SLC28A1: variants seen among roughly 807,000 people sequenced by gnomAD.
SLC28A1 encodes solute carrier family 28 member 1, also known as sodium/nucleoside cotransporter 1.
SLC28A1 carries 64 observed loss-of-function variants against 74.8 expected under a neutral mutation model. That is an observed-to-expected ratio of 0.86 (90% CI 0.70 to 1.05). The LOEUF (loss-of-function observed/expected upper bound fraction) is 1.05, where lower values mean the gene tolerates loss of function less well. SLC28A1 is among the 50% of genes least tolerant of loss of function. SLC28A1 has a pLI of 0.00. For synonymous variants in SLC28A1, 359 were observed against 335.0 expected, an observed-to-expected ratio of 1.07 and a Z score of -0.78; for missense variants, 828 against 822.8, an observed-to-expected ratio of 1.01 and a Z score of -0.08.
At chr15:84,958,290 C>T in the SLC28A1 span, among the ~76,000 whole-genome samples, 3 of 152,192 alleles carry the variant, frequency 2.0e-5, no homozygotes, top group Non-Finnish European at 4.4e-5. Flanking sequence ...TGGTTCTCTT[C>T]AGGCCTGCTG....
chr15:84,930,037 C>A (rs1171001764), intron 12 of SLC28A1, among the ~76,000 whole-genome samples: 1 of 152,210 alleles, frequency 6.6e-6, no homozygotes, highest in Non-Finnish European at 1.5e-5. Context: ...CTGTGCAGGA[C>A]TCAGCCCTTT....
chr15:84,951,739 C>T, the SLC28A1 span, among the ~76,000 whole-genome samples: 1 of 152,110 alleles, frequency 6.6e-6, no homozygotes, highest in Non-Finnish European at 1.5e-5. Flanking sequence ...CTGGTACATT[C>T]ACCTGGAGTC....
rs1400676180 is a variant in SLC28A1 at position 84,905,664 on chromosome 15, G to C, written c.717+12G>C. 6 of 1,578,694 alleles carry C rather than the reference G, an allele frequency of 3.8e-6. No individual in the cohort carries two copies. The highest frequency in any genetic ancestry group is 1.7e-4 in the Middle Eastern group (1 of 6,014). On this transcript the variant is annotated intron_variant, in intron 8 of 18. Coordinates refer to ENST00000394573, the MANE Select transcript of SLC28A1 (RefSeq NM_004213.5). ...GCGAGCAGATCCGGGTAGGTATGTG[G>C]GGTCTGGCTGCCCAGAGCATCTTAG...
chr15:84,922,477 T>C (rs973808264), intron 11 of SLC28A1, among the ~76,000 whole-genome samples: 2 of 152,112 alleles, frequency 1.3e-5, no homozygotes, highest in African/African-American at 4.8e-5. Flanking sequence ...GCATCCAATC[T>C]ATCAGCATTC....
In SLC28A1 at chr15:84,945,202, G is replaced by A; in HGVS notation, c.*2G>A. 6.2e-7 allele frequency: 1 copy of A among 1,613,560 alleles called. No homozygotes were observed. Among genetic ancestry groups the A allele is most frequent in the Non-Finnish European group, 8.5e-7 (1 of 1,179,470 alleles). On this transcript the variant is annotated 3_prime_UTR_variant, in exon 19 of 19. Transcript: ENST00000394573. ...AACCACACGATCTGTGCACAGTGAG[G>A]ACAGAACATGCTTGTGCTTCTGCGC...
At chr15:84,916,240 C>CAGGTGTGAGCCACCATTCCTGGCCTTTTT (rs1555449976) in intron 9 of SLC28A1, among the ~76,000 whole-genome samples, 1 of 98,424 alleles carries the variant, frequency 1.0e-5, no homozygotes, top group African/African-American at 4.9e-5. Flanking sequence ...GCTGGGATTA[C>CAGGTGTGAGCCACCATTCCTGGCCTTTTT]TTTTTTTTTT....
At chr15:84,904,036 G>T in intron 6 of SLC28A1, 61 bp from the exon 7 acceptor site, 2 of 1,611,766 alleles carry the variant, frequency 1.2e-6, no homozygotes, top group South Asian at 1.1e-5. Context: ...GGGTGCTATT[G>T]TGTGTGGGTG....
chr15:84,930,763 A>G (rs1596333533), intron 12 of SLC28A1, among the ~76,000 whole-genome samples: 1 of 148,920 alleles, frequency 6.7e-6, no homozygotes, highest in Non-Finnish European at 1.5e-5. Flanking sequence ...CCACCACCAC[A>G]CCAGGCTAAT....
chr15:84,943,539 A>G lies in SLC28A1; in HGVS notation c.1663+13A>G, dbSNP rs773360039. 1 of 1,601,882 alleles carries G rather than the reference A, an allele frequency of 6.2e-7. No homozygotes were observed. Among genetic ancestry groups the G allele is most frequent in the African/African-American group, 1.3e-5 (1 of 74,796 alleles). ...CTGGGAGGCTTGAGTGAGTCTAATC[A>G]GGGCCTCACCAGTGTCTAGGAGAGT... On this transcript the variant is annotated intron_variant, in intron 16 of 18. Transcript: ENST00000394573.
At chr15:84,891,149 T>G (rs1000488512) in intron 5 of SLC28A1, among the ~76,000 whole-genome samples, 7 of 151,874 alleles carry the variant, frequency 4.6e-5, no homozygotes, top group African/African-American at 1.5e-4. Context: ...CAGGGAAGCG[T>G]CAAGGTGGAA....
the SLC28A1 span, among the ~76,000 whole-genome samples, chr15:84,962,504 C>G: frequency 2.0e-5 from 3 of 152,100 alleles, no homozygotes; most frequent in East Asian, 3.9e-4. Context: ...GTGACATGAT[C>G]AGGGCTCACT....
At position 84,906,570 on chromosome 15, in the gene SLC28A1, CTTT is replaced by C. The variant is rs1567140652; in HGVS notation, c.717+919_717+921del. ...TTTCTTTCTTTCTTTCTTTCTCTTT[CTTT>C]CTTCCTTCCTTCCTTCCTTCCTTCC... On this transcript the variant is annotated intron_variant, in intron 8 of 18. Transcript: ENST00000394573. Among the ~76,000 whole-genome samples the C allele has an allele frequency of 1.4e-3, 51 of 37,742 alleles. 1 individual carries two copies. The highest frequency in any genetic ancestry group is 3.4e-3 in the African/African-American group (46 of 13,622). The allele number at this position is 37,742 out of a possible 152,430, so 24.8% of individuals were successfully genotyped here. A position where few individuals can be genotyped will look rare whatever the true frequency, so the allele number is the denominator to read the frequency against.
downstream of SLC28A1, among the ~76,000 whole-genome samples, chr15:84,949,820 G>A (rs2079356738): frequency 6.6e-6 from 1 of 152,064 alleles, no homozygotes; most frequent in Non-Finnish European, 1.5e-5. Context: ...GAGAGAATGA[G>A]AGAAAGTCCT....
downstream of SLC28A1, among the ~76,000 whole-genome samples, chr15:84,948,011 G>A (rs1290836609): frequency 2.6e-5 from 4 of 152,044 alleles, no homozygotes; most frequent in African/African-American, 9.7e-5. Context: ...AAAAAACTGC[G>A]TGGACACAGA....
chr15:84,946,108 ATATATTTT>A (rs1455038673), downstream of SLC28A1, among the ~76,000 whole-genome samples: 1 of 11,122 alleles, frequency 9.0e-5, no homozygotes, highest in African/African-American at 2.7e-4. Context: ...ATATATATAT[ATATATTTT>A]TTTTTTTTTT....
At chr15:84,970,141 T>A in the SLC28A1 span, among the ~76,000 whole-genome samples, 1 of 152,254 alleles carries the variant, frequency 6.6e-6, no homozygotes, top group African/African-American at 2.4e-5. Flanking sequence ...CTTTCCATTC[T>A]GCCATCCCCA....
chr15:84,974,756 G>C, the SLC28A1 span, among the ~76,000 whole-genome samples: 2 of 152,190 alleles, frequency 1.3e-5, no homozygotes, highest in Non-Finnish European at 2.9e-5. Context: ...GTAGCTTTAG[G>C]ATGCAGGAGA....
the SLC28A1 span, among the ~76,000 whole-genome samples, chr15:84,973,664 C>G: frequency 1.3e-5 from 2 of 152,212 alleles, no homozygotes; most frequent in African/African-American, 4.8e-5. Flanking sequence ...ACACTCAGAG[C>G]TTCCTGTACA....
chr15:84,925,651 G>T (rs1970429663), intron 12 of SLC28A1, among the ~76,000 whole-genome samples: 1 of 152,120 alleles, frequency 6.6e-6, no homozygotes, highest in African/African-American at 2.4e-5. Flanking sequence ...CGTTGCAACA[G>T]GCCTCACAGG....
Sources: gnomAD v4.1 joint callset for allele counts (sites outside exome capture counted in the v4.1 genomes callset) on GRCh38, gnomAD v4.1.1 for gene constraint, MANE v1.5 for transcripts, NCBI Gene and HGNC (gene_info 2026-07-23, HGNC 2026-07-21) for gene names.